Variants in FBXW11 observed in about 807,000 individuals in gnomAD.
FBXW11 encodes F-box and WD repeat domain containing 11.
A neutral mutation model predicts 77.6 loss-of-function variants in FBXW11; 19 were observed. That is an observed-to-expected ratio of 0.24 (90% CI 0.17 to 0.36). The LOEUF is 0.36. Among genes scored for constraint, FBXW11 ranks in the 10% least tolerant of loss-of-function variants. The probability of loss-of-function intolerance (pLI) is 1.00; values close to 1 mark genes in which losing one functional copy is unlikely to be tolerated. For synonymous variants in FBXW11, 235 were observed against 249.4 expected, an observed-to-expected ratio of 0.94 and a Z score of 0.54; for missense variants, 334 against 704.2, an observed-to-expected ratio of 0.47 and a Z score of 5.95.
rs566693754 is a variant in FBXW11, at chr5:171,900,530, G to T, written c.437-430C>A. On this transcript the variant is annotated intron_variant, in intron 4 of 13. Transcript: ENST00000517395. ...TCGGATTTCTTGCTTCAAAGTTTGT[G>T]TTCATTCCCATCTTACTCACTGTCT... 7.1e-4 allele frequency among the ~76,000 whole-genome samples: 108 copies of T among 152,194 alleles called. 2 individuals are homozygous for T. Among genetic ancestry groups the T allele is most frequent in the Non-Finnish European group, 7.2e-4 (49 of 68,010 alleles).
intron 2 of FBXW11, among the ~76,000 whole-genome samples, chr5:171,917,141 G>C (rs547719694): frequency 6.6e-6 from 1 of 152,152 alleles, no homozygotes; most frequent in South Asian, 2.1e-4. Context: ...GGATGGTCTC[G>C]ATCTCTTGAA....
At chr5:171,957,415 T>C (rs1393189940) in intron 2 of FBXW11, among the ~76,000 whole-genome samples, 182 bp downstream of exon 2, 1 of 152,220 alleles carries the variant, frequency 6.6e-6, no homozygotes, top group Non-Finnish European at 1.5e-5. Context: ...AAGACCCGTT[T>C]GCTCAAAAGG....
intron 7 of FBXW11, among the ~76,000 whole-genome samples, chr5:171,886,547 A>G (rs995383580): frequency 1.3e-5 from 2 of 152,122 alleles, no homozygotes; most frequent in Non-Finnish European, 2.9e-5. Flanking sequence ...CGTTGTGCAC[A>G]TGTACCCTAA....
intron 2 of FBXW11, among the ~76,000 whole-genome samples, chr5:171,929,375 A>T (rs1046266109): frequency 1.2e-4 from 18 of 152,202 alleles, no homozygotes; most frequent in South Asian, 2.1e-4. Context: ...TCTCAAAAAA[A>T]AATAATAATA....
intron 4 of FBXW11, among the ~76,000 whole-genome samples, chr5:171,903,790 T>C (rs906233710): frequency 2.0e-5 from 3 of 151,950 alleles, no homozygotes; most frequent in African/African-American, 7.3e-5. Context: ...AGACTACAAG[T>C]ATGCACTACC....
At chr5:171,945,003 G>T (rs150572230) in intron 2 of FBXW11, among the ~76,000 whole-genome samples, 1 of 152,278 alleles carries the variant, frequency 6.6e-6, no homozygotes, top group African/African-American at 2.4e-5. Flanking sequence ...TTTAGAAACA[G>T]ATGTGTTTAC....
At chr5:171,893,837 T>G (rs1450626027) in intron 6 of FBXW11, among the ~76,000 whole-genome samples, 10 of 152,208 alleles carry the variant, frequency 6.6e-5, no homozygotes, top group Non-Finnish European at 1.3e-4. Context: ...AAGCTGTTCT[T>G]AGGTTTAAGA....
At chr5:171,923,705 T>C (rs1761719928) in intron 2 of FBXW11, among the ~76,000 whole-genome samples, 1 of 144,634 alleles carries the variant, frequency 6.9e-6, no homozygotes. Context: ...TATTATATCC[T>C]CTACTTCATC....
chr5:171,922,788 G>A (rs1761664766), intron 2 of FBXW11, among the ~76,000 whole-genome samples: 1 of 152,172 alleles, frequency 6.6e-6, no homozygotes, highest in Non-Finnish European at 1.5e-5. Context: ...ACTCAAATTT[G>A]TAACAAGTAT....
chr5:171,900,964 G>A (rs2113885563), intron 4 of FBXW11, among the ~76,000 whole-genome samples: 1 of 152,328 alleles, frequency 6.6e-6, no homozygotes, highest in South Asian at 2.1e-4. Flanking sequence ...CGGTAAGTAT[G>A]TCTTCTACAG....
intron 2 of FBXW11, among the ~76,000 whole-genome samples, chr5:171,935,966 C>A (rs974030895): frequency 2.0e-5 from 3 of 151,662 alleles, no homozygotes; most frequent in African/African-American, 7.3e-5. Context: ...CAAAAATTAG[C>A]CAGGCATGGT....
chr5:171,931,859 CCCT>C, intron 2 of FBXW11, among the ~76,000 whole-genome samples: 2 of 4,334 alleles, frequency 4.6e-4, no homozygotes, highest in Non-Finnish European at 1.2e-3. Context: ...CTCCCTCCCT[CCCT>C]CTCTCTCTCT....
At chr5:171,947,596 A>T (rs1212388276) in intron 2 of FBXW11, among the ~76,000 whole-genome samples, 1 of 152,140 alleles carries the variant, frequency 6.6e-6, no homozygotes, top group Non-Finnish European at 1.5e-5. Flanking sequence ...TCAGTGAATA[A>T]GATAATCTAA....
At chr5:171,924,607 A>C (rs1307264732) in intron 2 of FBXW11, among the ~76,000 whole-genome samples, 1 of 152,128 alleles carries the variant, frequency 6.6e-6, no homozygotes, top group African/African-American at 2.4e-5. Flanking sequence ...GGTAGGTAAA[A>C]CGCTGTAATA....
In FBXW11 at chr5:171,913,832, C is replaced by CACACACACAT. The variant is rs1561677751; in HGVS notation, c.210+510_210+511insATGTGTGTGT. Reference sequence around the variant, plus strand: ...CCACACACACATACACACACACACACACACACACACACACACACACACACA... The same window carrying CACACACACAT: ...CCACACACACATACACACACACACACACACACACATACACACACACACACACACACACACA... On this transcript the variant is annotated intron_variant, in intron 3 of 13. Coordinates refer to ENST00000517395, the MANE Select transcript of FBXW11 (RefSeq NM_001378974.1). Among the ~76,000 whole-genome samples the CACACACACAT allele has an allele frequency of 3.6e-4, 47 of 129,330 alleles. 1 individual carries two copies. Among genetic ancestry groups the CACACACACAT allele is most frequent in the South Asian group, 3.1e-3 (12 of 3,836 alleles). 84.8% of individuals were successfully genotyped at this position (129,330 alleles called of 152,430 possible). A position where few individuals can be genotyped will look rare whatever the true frequency, so the allele number is the denominator to read the frequency against.
rs1265442833 is a variant in FBXW11 at position 171,905,553 on chromosome 5, G to GA, written c.436+5018dup. Among the ~76,000 whole-genome samples, 3 of 147,662 alleles carry GA rather than the reference G, an allele frequency of 2.0e-5. No individual in the cohort carries two copies. The Admixed American group carries it at 2.1e-4, about 10-fold the overall frequency. On this transcript the variant is annotated intron_variant, in intron 4 of 13. Coordinates refer to ENST00000517395, the MANE Select transcript of FBXW11 (RefSeq NM_001378974.1). The stretch of plus-strand genomic sequence containing the variant: ...AATATTCTTCTTGTTACCTTCTGCA[G>GA]AAAAAATACTACGCATCTCCTCCAG...
At chr5:171,899,781 T>C (rs1759992178) in intron 5 of FBXW11, 133 bp downstream of exon 5, 1 of 769,616 alleles carries the variant, frequency 1.3e-6, no homozygotes, top group Admixed American at 2.7e-5. Flanking sequence ...TTCTTCCAAC[T>C]TTTGACCACT....
At chr5:171,975,793 T>A (rs368239016) in intron 1 of FBXW11, among the ~76,000 whole-genome samples, 1 of 152,176 alleles carries the variant, frequency 6.6e-6, no homozygotes. Context: ...AGAGAAACTC[T>A]TGGTGAATAA....
In FBXW11 at chr5:171,888,150, C is replaced by G. The variant is rs372472915; in HGVS notation, c.852+3317G>C. ...ACAGGGCTCATGGCTCCAGTCATGA[C>G]GACACACTGCAGAACAATGGAAAAG... is the stretch of plus-strand genomic sequence containing the variant. On this transcript the variant is annotated intron_variant, in intron 7 of 13. Transcript: ENST00000517395. Among the ~76,000 whole-genome samples the G allele has an allele frequency of 4.6e-5, 7 of 152,074 alleles. No individual in the cohort carries two copies. In the South Asian group the frequency reaches 1.0e-3, roughly 23 times the overall value.
Sources: gnomAD v4.1 joint callset for allele counts (sites outside exome capture counted in the v4.1 genomes callset) on GRCh38, gnomAD v4.1.1 for gene constraint, MANE v1.5 for transcripts, NCBI Gene and HGNC (gene_info 2026-07-23, HGNC 2026-07-21) for gene names.